Variants in ARHGAP10 observed in about 807,000 individuals in gnomAD.
ARHGAP10 encodes the protein Rho GTPase activating protein 10, also known as rho GTPase-activating protein 10.
Under a neutral mutation model 108.6 loss-of-function variants are expected in ARHGAP10, and 87 were observed. That is an observed-to-expected ratio of 0.80 (90% confidence interval 0.67 to 0.96). ARHGAP10 has a LOEUF of 0.96. Among genes scored for constraint, ARHGAP10 ranks in the 40% least tolerant of loss-of-function variants. The probability of loss-of-function intolerance (pLI) is 0.00; values close to 1 mark genes in which losing one functional copy is unlikely to be tolerated. For missense variants in ARHGAP10, 939 were observed against 954.5 expected, an observed-to-expected ratio of 0.98 and a Z score of 0.21; for synonymous variants, 347 against 341.1, an observed-to-expected ratio of 1.02 and a Z score of -0.19.
intron 3 of ARHGAP10, among the ~76,000 whole-genome samples, chr4:147,840,052 G>C (rs965075937): frequency 6.6e-6 from 1 of 152,140 alleles, no homozygotes; most frequent in African/African-American, 2.4e-5. Flanking sequence ...ATCCCAGATT[G>C]ATAGAGATGG....
intron 10 of ARHGAP10, among the ~76,000 whole-genome samples, chr4:147,882,933 A>G (rs1187602154): frequency 2.0e-5 from 3 of 152,174 alleles, no homozygotes; most frequent in Non-Finnish European, 4.4e-5. Flanking sequence ...GTTTTTAGGT[A>G]AGGCTGTTCT....
chr4:147,747,966 G>C (rs1017847082), intron 1 of ARHGAP10, among the ~76,000 whole-genome samples: 1 of 152,104 alleles, frequency 6.6e-6, no homozygotes, highest in East Asian at 1.9e-4. Flanking sequence ...GAGATGCTAT[G>C]GTTTCTAGCG....
chr4:147,912,554 T>G (rs13107848), intron 12 of ARHGAP10, among the ~76,000 whole-genome samples: 179 of 642 alleles, frequency 0.28, 36 homozygotes, highest in Non-Finnish European at 0.53. Flanking sequence ...AACAAATATA[T>G]ATATATATAT....
At chr4:148,000,360 T>A (rs1472132095) in intron 18 of ARHGAP10, among the ~76,000 whole-genome samples, 1 of 152,252 alleles carries the variant, frequency 6.6e-6, no homozygotes, top group Non-Finnish European at 1.5e-5. Context: ...AAGTCTTTGC[T>A]ATTGTGAATA....
intron 10 of ARHGAP10, among the ~76,000 whole-genome samples, chr4:147,904,798 A>G (rs1736401016): frequency 6.6e-6 from 1 of 152,200 alleles, no homozygotes; most frequent in Admixed American, 6.5e-5. Flanking sequence ...ATCCCTGAGG[A>G]ATCGCCACAC....
chr4:148,003,822 T>G (rs1740832644), intron 18 of ARHGAP10, among the ~76,000 whole-genome samples: 1 of 122,012 alleles, frequency 8.2e-6, no homozygotes, highest in South Asian at 2.6e-4. Flanking sequence ...GTGAGATGGG[T>G]TTCCTGAATA....
rs1421944681 is a variant in ARHGAP10, at chr4:147,768,357, A to C, written c.154+35902A>C. On this transcript the variant is annotated intron_variant, in intron 1 of 22. Transcript: ENST00000336498. ...ACGTTGTAAAATACTTCCTGATAAG[A>C]ACGTACTAGTGGTTTTTTGAGTGTC... Among the ~76,000 whole-genome samples, 8 of 152,298 alleles carry C rather than the reference A, an allele frequency of 5.3e-5. No individual in the cohort carries two copies. In the South Asian group the frequency reaches 8.3e-4, roughly 16 times the overall value.
chr4:148,048,478 T>C (rs927164609), intron 20 of ARHGAP10, among the ~76,000 whole-genome samples: 1 of 152,230 alleles, frequency 6.6e-6, no homozygotes, highest in African/African-American at 2.4e-5. Flanking sequence ...ATTTAAATCC[T>C]ACATTACTAG....
At chr4:147,964,036 T>C (rs1178537001) in intron 16 of ARHGAP10, among the ~76,000 whole-genome samples, 1 of 152,252 alleles carries the variant, frequency 6.6e-6, no homozygotes, top group African/African-American at 2.4e-5. Flanking sequence ...CTTTTTATTC[T>C]GATGTTTTGA....
rs186146910 is a variant in ARHGAP10 at position 147,953,965 on chromosome 4, G to A, written c.1392-1351G>A. On this transcript the variant is annotated intron_variant, in intron 15 of 22. Coordinates refer to ENST00000336498, the MANE Select transcript of ARHGAP10 (RefSeq NM_024605.4). ...TTCTGATATGTTGTGTTTTTATTTC[G>A]TTCTTTTCAGAATACTTTCTAACTT... Among the ~76,000 whole-genome samples, 9 of 151,746 alleles carry A rather than the reference G, an allele frequency of 5.9e-5. No homozygotes were observed. In the East Asian group the frequency reaches 1.2e-3, roughly 20 times the overall value.
At chr4:147,753,670 ATGTT>A (rs369592485) in intron 1 of ARHGAP10, among the ~76,000 whole-genome samples, 2 of 152,044 alleles carry the variant, frequency 1.3e-5, no homozygotes, top group African/African-American at 4.8e-5. Context: ...CAATTTTCTT[ATGTT>A]TGTTTGCAGT....
chr4:147,996,149 A>G (rs1740466563), intron 18 of ARHGAP10, among the ~76,000 whole-genome samples: 1 of 152,196 alleles, frequency 6.6e-6, no homozygotes, highest in South Asian at 2.1e-4. Context: ...TGCAACTTCC[A>G]CAAAGGTACA....
chr4:147,851,937 A>G (rs1322161899), intron 4 of ARHGAP10, among the ~76,000 whole-genome samples: 1 of 152,156 alleles, frequency 6.6e-6, no homozygotes, highest in Non-Finnish European at 1.5e-5. Context: ...CGGTGCCTTA[A>G]TTAGCCATGT....
At chr4:147,934,698 G>A (rs1322333565) in intron 13 of ARHGAP10, among the ~76,000 whole-genome samples, 1 of 152,164 alleles carries the variant, frequency 6.6e-6, no homozygotes, top group African/African-American at 2.4e-5. Context: ...GCCTAGTGTG[G>A]TAGCATGTGC....
At position 147,885,623 on chromosome 4, in the gene ARHGAP10, G is replaced by A. The variant is rs143835139; in HGVS notation, c.1034+3691G>A. ...GGGAAGAAATTGGGTACAGAGCTTG[G>A]CGGCTATGGCAGCATTTGATTTGTT... is the stretch of plus-strand genomic sequence containing the variant. On this transcript the variant is annotated intron_variant, in intron 10 of 22. Transcript: ENST00000336498. Among the ~76,000 whole-genome samples the A allele has an allele frequency of 2.6e-5, 4 of 152,270 alleles. No homozygotes were observed. The East Asian group carries it at 7.7e-4, about 29-fold the overall frequency.
At chr4:148,042,948 C>G (rs1728697123) in intron 19 of ARHGAP10, among the ~76,000 whole-genome samples, 1 of 152,108 alleles carries the variant, frequency 6.6e-6, no homozygotes, top group Non-Finnish European at 1.5e-5. Context: ...GCTCTCCATG[C>G]TGATGCTATT....
chr4:148,012,645 G>C (rs1741210096), intron 18 of ARHGAP10, among the ~76,000 whole-genome samples: 1 of 152,188 alleles, frequency 6.6e-6, no homozygotes, highest in African/African-American at 2.4e-5. Flanking sequence ...TTGCCTCAAA[G>C]TTTAGTCTTA....
chr4:147,931,252 G>C (rs572823528), intron 13 of ARHGAP10, among the ~76,000 whole-genome samples: 3 of 150,984 alleles, frequency 2.0e-5, no homozygotes, highest in South Asian at 4.2e-4. Context: ...CTCTAATGGA[G>C]ATAAGCTTAC....
chr4:147,820,580 G>GTTTTTTT (rs57534364), intron 1 of ARHGAP10, among the ~76,000 whole-genome samples: 4 of 49,042 alleles, frequency 8.2e-5, no homozygotes, highest in East Asian at 1.4e-3. Context: ...ACCTCGGCCA[G>GTTTTTTT]TTTTTTTTTT....
Sources: gnomAD v4.1 joint callset for allele counts (sites outside exome capture counted in the v4.1 genomes callset) on GRCh38, gnomAD v4.1.1 for gene constraint, MANE v1.5 for transcripts, NCBI Gene and HGNC (gene_info 2026-07-23, HGNC 2026-07-21) for gene names.